CSDE1: variants seen among roughly 807,000 people sequenced by gnomAD.
CSDE1 encodes the protein cold shock domain-containing protein E1.
CSDE1 carries 17 observed loss-of-function variants against 89.3 expected under a neutral mutation model. That is an observed-to-expected ratio of 0.19 (90% confidence interval 0.13 to 0.29). CSDE1 has a LOEUF of 0.29. Among genes scored for constraint, CSDE1 ranks in the 10% least tolerant of loss-of-function variants. The pLI is 1.00. For synonymous variants in CSDE1, 322 were observed against 332.8 expected (o/e 0.97, Z 0.35); for missense variants, 672 against 984.2 (o/e 0.68, Z 4.24).
intron 1 of CSDE1, among the ~76,000 whole-genome samples, chr1:114,755,559 A>G (rs984720761): frequency 1.3e-5 from 2 of 152,230 alleles, no homozygotes; most frequent in African/African-American, 4.8e-5. Context: ...CAAGTGGAAA[A>G]CATTCTAATA....
chr1:114,723,876 T>A lies in CSDE1; in HGVS notation c.1873+7A>T. Reference sequence around the variant, plus strand: ...ATTTCAAACAGCCTGATAGTGATGATCCTTACCCTCCTCCACAATCTCAAT... The same window carrying A: ...ATTTCAAACAGCCTGATAGTGATGAACCTTACCCTCCTCCACAATCTCAAT... On this transcript the variant is annotated splice_region_variant and intron_variant, in intron 16 of 19. Transcript: ENST00000358528. 2 of 1,613,886 alleles carry A rather than the reference T, an allele frequency of 1.2e-6. No homozygotes were observed. Among genetic ancestry groups the A allele is most frequent in the Non-Finnish European group, 1.7e-6 (2 of 1,179,810 alleles).
intron 16 of CSDE1, among the ~76,000 whole-genome samples, chr1:114,722,113 C>T (rs1025972396): frequency 2.0e-5 from 3 of 152,110 alleles, no homozygotes; most frequent in Non-Finnish European, 4.4e-5. Context: ...AACTCCTGAC[C>T]TTCAGGTGAT....
At chr1:114,731,083 G>T (rs74113583) in intron 10 of CSDE1, among the ~76,000 whole-genome samples, 3,296 of 150,828 alleles carry the variant, frequency 0.022, 73 homozygotes, top group South Asian at 0.091. Context: ...TACATCTGAA[G>T]AATAAAATAT....
At chr1:114,734,263 A>G (rs1254213016) in intron 7 of CSDE1, 146 bp from the exon 8 acceptor site, 1 of 1,147,618 alleles carries the variant, frequency 8.7e-7, no homozygotes, top group Non-Finnish European at 1.2e-6. Flanking sequence ...TAAACAGCCA[A>G]TTTTAAAGAA....
chr1:114,752,472 C>A (rs919248901), intron 1 of CSDE1, among the ~76,000 whole-genome samples: 5 of 152,206 alleles, frequency 3.3e-5, no homozygotes, highest in Middle Eastern at 3.4e-3. Flanking sequence ...TGTTATCTCC[C>A]CCCAACCCCT....
Position 114,734,452 on chromosome 1 carries a change from C to G in CSDE1, c.572G>C (p.Cys191Ser). ...KKQARCQGVVCAMKEAFGFIE... is the reference protein window; with the variant it reads ...KKQARCQGVVSAMKEAFGFIE... Reference sequence around the variant, plus strand: ...AAATTTAACACTTACCTTCATGGCACAAACTACTCCCTGACAGCGGGCTTG... The same window carrying G: ...AAATTTAACACTTACCTTCATGGCAGAAACTACTCCCTGACAGCGGGCTTG... Residue 191 changes from cysteine (C) to serine (S), a missense_variant, in exon 7 of 20, where the codon TGT becomes TCT. By Grantham distance (112) the Cys-to-Ser change is moderately radical. This residue lies in a region of CSDE1 where 124 missense variants were observed against 138.7 expected (regional missense o/e 0.89). Transcript: ENST00000358528. 6.2e-7 allele frequency: 1 copy of G among 1,612,654 alleles called. No individual in the cohort carries two copies. The highest frequency in any genetic ancestry group is 8.5e-7 in the Non-Finnish European group (1 of 1,179,548).
rs577033305 is a variant in CSDE1, at chr1:114,717,313, T to C, written c.*856A>G. 1 of 149,666 alleles carries C rather than the reference T, an allele frequency of 6.7e-6. No homozygotes were observed. The highest frequency in any genetic ancestry group is 6.6e-5 in the Admixed American group (1 of 15,156). The allele number at this position is 149,666 out of a possible 1,614,324, so 9.3% of individuals were successfully genotyped here. On this transcript the variant is annotated 3_prime_UTR_variant, in exon 20 of 20. Coordinates refer to ENST00000358528, the MANE Select transcript of CSDE1 (RefSeq NM_001007553.3). ...TTCATTTCAGGCACAACTTTTTTAT[T>C]TTTTTTTGTTTTGTTTTTAAATCAG...
chr1:114,736,900 T>C (rs561350386), intron 5 of CSDE1, 45 bp from the exon 6 acceptor site: 2 of 1,420,066 alleles, frequency 1.4e-6, no homozygotes, highest in South Asian at 1.2e-5. Context: ...AGGATGCATA[T>C]TCACTGTATA....
Position 114,717,947 on chromosome 1 carries a change from T to TA in CSDE1, c.*221dup. On this transcript the variant is annotated 3_prime_UTR_variant, in exon 20 of 20. Coordinates refer to ENST00000358528, the MANE Select transcript of CSDE1 (RefSeq NM_001007553.3). The stretch of plus-strand genomic sequence containing the variant: ...AAATTGATACTATAAGGCGCCACCT[T>TA]AAGTTTTTCCAGGCTGCAACTGTGC... The TA allele has an allele frequency of 2.0e-6, 1 of 511,722 alleles. No individual in the cohort carries two copies. The highest frequency in any genetic ancestry group is 3.1e-5 in the East Asian group (1 of 32,018). 31.7% of individuals were successfully genotyped at this position (511,722 alleles called of 1,614,324 possible).
intron 1 of CSDE1, among the ~76,000 whole-genome samples, chr1:114,752,232 T>C (rs1661344978): frequency 6.6e-6 from 1 of 152,140 alleles, no homozygotes; most frequent in Non-Finnish European, 1.5e-5. Context: ...GATCAGAACC[T>C]TGTCTCAAAA....
At chr1:114,750,906 C>A (rs10489526) in intron 1 of CSDE1, among the ~76,000 whole-genome samples, 21,577 of 152,234 alleles carry the variant, frequency 0.14, 2,116 homozygotes, top group Non-Finnish European at 0.21. Flanking sequence ...AGCCCAGCAT[C>A]AAGTGAAGTC....
intron 2 of CSDE1, among the ~76,000 whole-genome samples, chr1:114,748,801 C>T (rs1450154779): frequency 1.3e-5 from 2 of 152,230 alleles, no homozygotes; most frequent in African/African-American, 4.8e-5. Flanking sequence ...CTCAGCCTTT[C>T]CCTCAAAAGT....
intron 18 of CSDE1, 104 bp downstream of exon 18, chr1:114,719,475 A>C (rs1570886743): frequency 8.9e-7 from 1 of 1,118,534 alleles, no homozygotes; most frequent in East Asian, 2.5e-5. Context: ...AGAAATAATA[A>C]GTGGCAGAAG....
rs1660258284 is a variant in CSDE1 at position 114,734,028 on chromosome 1, C to T, written c.672G>A (p.Gln224=). The T allele has an allele frequency of 6.2e-7, 1 of 1,613,294 alleles. No homozygotes were observed. Among genetic ancestry groups the T allele is most frequent in the African/African-American group, 1.3e-5 (1 of 74,910 alleles). Residue 224 remains glutamine, a synonymous_variant, in exon 8 of 20, where the codon CAG becomes CAA. Transcript: ENST00000358528. ...TTGTGAATTCCACATCATCGCCAGG[C>T]TGTAAGGTTTCTAAGTCACCCTTAA... ...SEFKGDLETL[Q]PGDDVEFTIK...
intron 2 of CSDE1, chr1:114,748,337 T>C (rs1661126655): frequency 6.6e-6 from 1 of 152,218 alleles, no homozygotes; most frequent in Admixed American, 6.5e-5. Flanking sequence ...GCTCTCTTCA[T>C]TGGTGCTTCT....
chr1:114,742,479 G>C (rs551593949), intron 2 of CSDE1, among the ~76,000 whole-genome samples: 2 of 152,298 alleles, frequency 1.3e-5, no homozygotes, highest in African/African-American at 2.4e-5. Flanking sequence ...CTACTCAGGA[G>C]GGGGAGGCAT....
chr1:114,728,587 A>T (rs1325589763), intron 12 of CSDE1, among the ~76,000 whole-genome samples: 1 of 152,198 alleles, frequency 6.6e-6, no homozygotes, highest in Non-Finnish European at 1.5e-5. Context: ...CTCTTCATCA[A>T]GCCAGTTTTG....
At chr1:114,755,109 C>T (rs1435339347) in intron 1 of CSDE1, among the ~76,000 whole-genome samples, 1 of 151,038 alleles carries the variant, frequency 6.6e-6, no homozygotes, top group East Asian at 1.9e-4. Flanking sequence ...AAAATTGACA[C>T]TGTTACATTC....
chr1:114,757,144 G>T (rs1343309182), intron 1 of CSDE1, among the ~76,000 whole-genome samples: 1 of 152,190 alleles, frequency 6.6e-6, no homozygotes, highest in African/African-American at 2.4e-5. Flanking sequence ...GTGCCTAAAA[G>T]ATTAGGGACT....
Sources: gnomAD v4.1 joint callset for allele counts (sites outside exome capture counted in the v4.1 genomes callset) on GRCh38, gnomAD v4.1.1 for gene constraint, gnomAD v4.1.1 regional missense constraint, MANE v1.5 for transcripts, NCBI Gene and HGNC (gene_info 2026-07-23, HGNC 2026-07-21) for gene names.